CNTNAP2: variants seen among roughly 807,000 people sequenced by gnomAD.
CNTNAP2 encodes contactin associated protein 2.
CNTNAP2 carries 98 observed loss-of-function variants against 155.2 expected under a neutral mutation model. The observed-to-expected ratio is 0.63, with a 90% CI of 0.54 to 0.75. CNTNAP2 has a LOEUF of 0.75. Among genes scored for constraint, CNTNAP2 ranks in the 30% least tolerant of loss-of-function variants. CNTNAP2 has a pLI of 0.00. For synonymous variants in CNTNAP2, 651 were observed against 631.2 expected, an observed-to-expected ratio of 1.03 and a Z score of -0.47; for missense variants, 1,727 against 1,688.1, an observed-to-expected ratio of 1.02 and a Z score of -0.40.
chr7:147,692,103 A>G (rs770084786), intron 13 of CNTNAP2, among the ~76,000 whole-genome samples: 2 of 152,124 alleles, frequency 1.3e-5, no homozygotes, highest in African/African-American at 2.4e-5. Context: ...ATATAGTCTG[A>G]ATCATACAGT....
chr7:147,840,266 AT>A (rs1188447490), intron 13 of CNTNAP2, among the ~76,000 whole-genome samples: 1 of 152,144 alleles, frequency 6.6e-6, no homozygotes, highest in Non-Finnish European at 1.5e-5. Flanking sequence ...CCACTGTACA[AT>A]ATATCTGTAT....
chr7:147,799,400 G>T (rs928577189), intron 13 of CNTNAP2, among the ~76,000 whole-genome samples: 25 of 152,128 alleles, frequency 1.6e-4, no homozygotes, highest in Admixed American at 5.9e-4. Context: ...ATGCAGGGAG[G>T]TAGGTACTGG....
chr7:148,054,447 C>CTT lies in CNTNAP2; in HGVS notation c.2384-63647_2384-63646dup, dbSNP rs61157011. Among the ~76,000 whole-genome samples the CTT allele has an allele frequency of 2.3e-3, 169 of 73,086 alleles. 1 individual carries two copies. The highest frequency in any genetic ancestry group is 5.0e-3 in the African/African-American group (84 of 16,780). The allele number at this position is 73,086 out of a possible 152,430, so 47.9% of individuals were successfully genotyped here. A position where few individuals can be genotyped will look rare whatever the true frequency, so the allele number is the denominator to read the frequency against. ...TATCACTATGACTTCTCTCAGTGGC[C>CTT]TTTTTTTTTTTTTTTTTTTTTTTTT... On this transcript the variant is annotated intron_variant, in intron 15 of 23. Transcript: ENST00000361727.
rs538604777 is a variant in CNTNAP2 at position 146,911,104 on chromosome 7, A to C, written c.402+71200A>C. Among the ~76,000 whole-genome samples the C allele has an allele frequency of 7.0e-4, 106 of 152,228 alleles. 1 individual carries two copies. Among genetic ancestry groups the C allele is most frequent in the Non-Finnish European group, 1.3e-3 (91 of 68,032 alleles). ...AGAAATGCAAATCAAAACCACTATG[A>C]GATATCATCTCACACCAGTTAGAAT... is the stretch of plus-strand genomic sequence containing the variant. On this transcript the variant is annotated intron_variant, in intron 3 of 23. Coordinates refer to ENST00000361727, the MANE Select transcript of CNTNAP2 (RefSeq NM_014141.6).
At chr7:147,298,076 G>A (rs1373918318) in intron 8 of CNTNAP2, among the ~76,000 whole-genome samples, 3 of 152,104 alleles carry the variant, frequency 2.0e-5, no homozygotes, top group African/African-American at 7.2e-5. Flanking sequence ...AATTTGGAAA[G>A]TCTTTTGCAT....
intron 8 of CNTNAP2, among the ~76,000 whole-genome samples, chr7:147,156,580 G>A (rs1362459292): frequency 2.6e-5 from 4 of 152,114 alleles, no homozygotes; most frequent in Non-Finnish European, 4.4e-5. Context: ...ACCATTCAAT[G>A]TGCTGTCATT....
chr7:146,298,365 G>T (rs1422812762), intron 1 of CNTNAP2, among the ~76,000 whole-genome samples: 1 of 152,156 alleles, frequency 6.6e-6, no homozygotes, highest in Non-Finnish European at 1.5e-5. Context: ...ATGTACAGCA[G>T]CTTAGCTCAA....
At chr7:146,555,458 T>TATCC (rs573063011) in intron 1 of CNTNAP2, among the ~76,000 whole-genome samples, 22 of 152,034 alleles carry the variant, frequency 1.4e-4, no homozygotes, top group African/African-American at 5.3e-4. Context: ...TTTATCGATT[T>TATCC]ATCCATCTAT....
At chr7:147,346,792 C>G (rs1326072009) in intron 9 of CNTNAP2, among the ~76,000 whole-genome samples, 3 of 152,144 alleles carry the variant, frequency 2.0e-5, no homozygotes, top group Non-Finnish European at 2.9e-5. Flanking sequence ...ACTGACCTTT[C>G]AAACTTTGCG....
chr7:146,447,469 A>T lies in CNTNAP2; in HGVS notation c.98-326802A>T, dbSNP rs144507186. On this transcript the variant is annotated intron_variant, in intron 1 of 23. Transcript: ENST00000361727. ...GTTATATTTATTTTAGAACCAATTT[A>T]CAATTTTCAAATTGTTTCCTACATT... Among the ~76,000 whole-genome samples the T allele has an allele frequency of 1.7e-3, 252 of 152,178 alleles. 1 individual carries two copies. Among genetic ancestry groups the T allele is most frequent in the African/African-American group, 5.8e-3 (242 of 41,580 alleles).
intron 13 of CNTNAP2, among the ~76,000 whole-genome samples, chr7:147,882,706 G>A (rs2116718403): frequency 6.6e-6 from 1 of 152,184 alleles, no homozygotes; most frequent in African/African-American, 2.4e-5. Context: ...TACCTCTATA[G>A]TCTCCCAAGA....
chr7:148,136,802 G>A (rs1172770354), intron 16 of CNTNAP2, among the ~76,000 whole-genome samples: 5 of 152,094 alleles, frequency 3.3e-5, no homozygotes, highest in African/African-American at 9.7e-5. Context: ...CGTAACAAAA[G>A]TAAATGTACT....
chr7:148,048,624 G>T (rs961640348), intron 15 of CNTNAP2, among the ~76,000 whole-genome samples: 4 of 152,128 alleles, frequency 2.6e-5, no homozygotes, highest in Admixed American at 2.6e-4. Context: ...TGCAAATTGA[G>T]CTAAGAGATA....
At chr7:146,782,090 C>G (rs979011968) in intron 2 of CNTNAP2, 1 of 152,154 alleles carries the variant, frequency 6.6e-6, no homozygotes, top group Non-Finnish European at 1.5e-5. Flanking sequence ...GACTCAAGTT[C>G]CCAATTGATG....
At chr7:148,260,142 CT>C (rs1796532898) in intron 20 of CNTNAP2, among the ~76,000 whole-genome samples, 1 of 152,234 alleles carries the variant, frequency 6.6e-6, no homozygotes, top group African/African-American at 2.4e-5. Flanking sequence ...ATGTCATTTC[CT>C]TAGGCTTTTC....
intron 1 of CNTNAP2, among the ~76,000 whole-genome samples, chr7:146,667,737 A>G (rs904314555): frequency 4.7e-5 from 7 of 150,236 alleles, no homozygotes; most frequent in African/African-American, 1.7e-4. Context: ...TTTGTACACT[A>G]TTATAAATTG....
intron 1 of CNTNAP2, among the ~76,000 whole-genome samples, chr7:146,703,823 A>T (rs1176420474): frequency 6.6e-6 from 1 of 152,154 alleles, no homozygotes; most frequent in Non-Finnish European, 1.5e-5. Context: ...TGCATTCTGC[A>T]GGGGACACAA....
At chr7:148,106,280 A>AC (rs766209607) in intron 15 of CNTNAP2, among the ~76,000 whole-genome samples, 87 of 152,212 alleles carry the variant, frequency 5.7e-4, no homozygotes, top group Non-Finnish European at 9.6e-4. Flanking sequence ...GGACAGCTTT[A>AC]CCTTGATGAT....
chr7:146,762,665 C>G (rs759334145), intron 1 of CNTNAP2, among the ~76,000 whole-genome samples: 4 of 152,132 alleles, frequency 2.6e-5, no homozygotes, highest in Non-Finnish European at 5.9e-5. Context: ...CTAACAGAGA[C>G]ATGCCTGTGC....
Sources: allele counts gnomAD v4.1 joint callset (sites outside exome capture counted in the v4.1 genomes callset), GRCh38; gene constraint gnomAD v4.1.1; transcripts MANE v1.5; gene names NCBI Gene and HGNC (gene_info 2026-07-23, HGNC 2026-07-21).